GPC5: variants seen among roughly 807,000 people sequenced by gnomAD.
GPC5 encodes the protein glypican-5.
A neutral mutation model predicts 53.9 loss-of-function variants in GPC5; 47 were observed. The observed-to-expected ratio is 0.87, with a 90% CI of 0.69 to 1.11. The LOEUF (loss-of-function observed/expected upper bound fraction) is 1.11, where lower values mean the gene tolerates loss of function less well. GPC5 is among the 50% of genes most tolerant of loss of function. GPC5 has a pLI of 0.00. For missense variants in GPC5, 748 were observed against 713.1 expected (o/e 1.05, Z -0.56); for synonymous variants, 286 against 263.3 (o/e 1.09, Z -0.84).
At chr13:92,047,189 G>A (rs9589411) in intron 6 of GPC5, among the ~76,000 whole-genome samples, 73,474 of 151,854 alleles carry the variant, frequency 0.48, 18,244 homozygotes, top group African/African-American at 0.55. Flanking sequence ...ACCCATACTA[G>A]TGACTACATT....
chr13:92,532,737 A>C (rs955007567), intron 7 of GPC5, among the ~76,000 whole-genome samples: 2 of 152,132 alleles, frequency 1.3e-5, no homozygotes, highest in African/African-American at 2.4e-5. Context: ...TCAGGTCCAA[A>C]CCTCTCCATT....
intron 2 of GPC5, among the ~76,000 whole-genome samples, chr13:91,547,536 G>C (rs530561081): frequency 4.0e-4 from 61 of 152,146 alleles, no homozygotes; most frequent in African/African-American, 1.4e-3. Flanking sequence ...ACCAGGCCCA[G>C]ATAAGTACAC....
intron 3 of GPC5, among the ~76,000 whole-genome samples, chr13:91,719,702 A>C (rs528801771): frequency 6.6e-6 from 1 of 152,382 alleles, no homozygotes; most frequent in East Asian, 1.9e-4. Flanking sequence ...GACAGCTAAT[A>C]TAAAAAGGGG....
At chr13:92,595,280 A>G (rs1007362978) in intron 7 of GPC5, among the ~76,000 whole-genome samples, 2 of 152,222 alleles carry the variant, frequency 1.3e-5, no homozygotes, top group African/African-American at 4.8e-5. Context: ...TCTCCAGGCC[A>G]ATGCAGAGAT....
At chr13:91,921,532 A>C (rs1288174571) in intron 6 of GPC5, among the ~76,000 whole-genome samples, 1 of 152,192 alleles carries the variant, frequency 6.6e-6, no homozygotes, top group African/African-American at 2.4e-5. Context: ...AAATGGATAG[A>C]TACTATGACA....
intron 7 of GPC5, among the ~76,000 whole-genome samples, chr13:92,745,403 T>C (rs974026343): frequency 1.3e-5 from 2 of 152,104 alleles, no homozygotes; most frequent in Non-Finnish European, 2.9e-5. Context: ...TGAATTCCAT[T>C]CCTATGGAAT....
At chr13:92,090,010 G>A (rs9589425) in intron 6 of GPC5, among the ~76,000 whole-genome samples, 5,843 of 152,120 alleles carry the variant, frequency 0.038, 381 homozygotes, top group African/African-American at 0.13. Context: ...CATGTCCCAG[G>A]CACTGTTAAA....
chr13:91,727,186 A>G (rs2036592982), intron 3 of GPC5, among the ~76,000 whole-genome samples: 1 of 152,224 alleles, frequency 6.6e-6, no homozygotes. Context: ...AGCAATTAAC[A>G]TAGTAGGGTA....
intron 2 of GPC5, among the ~76,000 whole-genome samples, chr13:91,618,842 A>C (rs1383423780): frequency 2.6e-5 from 4 of 151,980 alleles, no homozygotes; most frequent in Admixed American, 2.6e-4. Flanking sequence ...TAACTTACAG[A>C]GTTTTTGTAT....
At chr13:92,330,386 G>A (rs1343409362) in intron 7 of GPC5, among the ~76,000 whole-genome samples, 2 of 152,088 alleles carry the variant, frequency 1.3e-5, no homozygotes, top group African/African-American at 4.8e-5. Flanking sequence ...ATTTCTTGCA[G>A]CAGGTTGGGC....
intron 7 of GPC5, among the ~76,000 whole-genome samples, chr13:92,309,288 T>C (rs1467967003): frequency 6.6e-6 from 1 of 152,128 alleles, no homozygotes; most frequent in African/African-American, 2.4e-5. Context: ...ACAGGATTAA[T>C]AACTCAGTCC....
At chr13:92,576,014 G>T in intron 7 of GPC5, among the ~76,000 whole-genome samples, 1 of 152,138 alleles carries the variant, frequency 6.6e-6, no homozygotes, top group Non-Finnish European at 1.5e-5. Flanking sequence ...AGCTTCAATG[G>T]CCCCCATGCC....
chr13:92,288,308 C>T (rs1457846834), intron 7 of GPC5, among the ~76,000 whole-genome samples: 1 of 152,112 alleles, frequency 6.6e-6, no homozygotes, highest in Admixed American at 6.6e-5. Flanking sequence ...GAATGTTTCT[C>T]TCTCTGTTTT....
intron 7 of GPC5, among the ~76,000 whole-genome samples, chr13:92,202,768 T>C (rs1033605326): frequency 2.6e-5 from 4 of 152,180 alleles, no homozygotes; most frequent in Non-Finnish European, 5.9e-5. Context: ...TCCCCATCTT[T>C]AAGAATGATA....
intron 7 of GPC5, among the ~76,000 whole-genome samples, chr13:92,358,864 G>T (rs985962636): frequency 1.3e-5 from 2 of 151,716 alleles, no homozygotes; most frequent in Non-Finnish European, 2.9e-5. Flanking sequence ...GGCCTGTGAT[G>T]GGAGTAGCTA....
intron 7 of GPC5, among the ~76,000 whole-genome samples, chr13:92,704,927 A>G (rs1887900418): frequency 7.9e-6 from 1 of 126,532 alleles, no homozygotes; most frequent in Admixed American, 8.8e-5. Context: ...ATATGGATAT[A>G]TATATACTTG....
chr13:92,587,887 TG>T (rs984810457), intron 7 of GPC5, among the ~76,000 whole-genome samples: 1 of 151,926 alleles, frequency 6.6e-6, no homozygotes, highest in African/African-American at 2.4e-5. Flanking sequence ...TCAGGTTTTT[TG>T]GGGTTTTTTT....
At chr13:92,623,635 GTTT>G (rs1314116227) in intron 7 of GPC5, among the ~76,000 whole-genome samples, 1 of 152,052 alleles carries the variant, frequency 6.6e-6, no homozygotes, top group Non-Finnish European at 1.5e-5. Flanking sequence ...TCTTGAAGTT[GTTT>G]TTCTTTAGTA....
chr13:92,144,029 TG>T (rs897296024), intron 6 of GPC5, among the ~76,000 whole-genome samples: 2 of 152,176 alleles, frequency 1.3e-5, no homozygotes, highest in Non-Finnish European at 2.9e-5. Flanking sequence ...TGTAACATAC[TG>T]CATTGGACTA....
Sources: allele counts gnomAD v4.1 joint callset (sites outside exome capture counted in the v4.1 genomes callset), GRCh38; gene constraint gnomAD v4.1.1; transcripts MANE v1.5; gene names NCBI Gene and HGNC (gene_info 2026-07-23, HGNC 2026-07-21).